XIAP: variants seen among roughly 807,000 people sequenced by gnomAD.
XIAP encodes X-linked inhibitor of apoptosis.
XIAP carries 3 observed loss-of-function variants against 33.1 expected under a neutral mutation model. The observed-to-expected ratio is 0.09, with a 90% CI of 0.04 to 0.23. The LOEUF is 0.23. Among genes scored for constraint, XIAP ranks in the 10% least tolerant of loss-of-function variants. The probability of loss-of-function intolerance (pLI) is 1.00; values close to 1 mark genes in which losing one functional copy is unlikely to be tolerated. For missense variants in XIAP, 264 were observed against 363.0 expected (o/e 0.73, Z 2.22); for synonymous variants, 98 against 121.3 (o/e 0.81, Z 1.26).
intron 1 of XIAP, among the ~76,000 whole-genome samples, chrX:123,867,661 C>T (rs980243761): frequency 3.0e-5 from 3 of 98,488 alleles, no homozygotes; most frequent in African/African-American, 7.7e-5. Flanking sequence ...TGTGAGCCCC[C>T]GTACCTGGCC....
intron 1 of XIAP, among the ~76,000 whole-genome samples, chrX:123,879,722 C>G (rs1259904345): frequency 8.9e-6 from 1 of 111,888 alleles, no homozygotes; most frequent in African/African-American, 3.2e-5. Context: ...TATTACTTTC[C>G]GAGTCTTGTC....
In XIAP at chrX:123,869,362, C is replaced by CAAAAAAAA. The variant is rs57436822; in HGVS notation, c.-33+9084_-33+9091dup. 3.6e-3 allele frequency among the ~76,000 whole-genome samples: 106 copies of CAAAAAAAA among 29,720 alleles called. 5 individuals are homozygous for CAAAAAAAA. The highest frequency in any genetic ancestry group is 5.2e-3 in the Non-Finnish European group (92 of 17,842). 25.8% of individuals were successfully genotyped at this position (29,720 alleles called of 115,157 possible). A position where few individuals can be genotyped will look rare whatever the true frequency, so the allele number is the denominator to read the frequency against. On this transcript the variant is annotated intron_variant, in intron 1 of 6. Transcript: ENST00000371199. ...AAACCCCATCTCTACTAAAAAAATACAAAAAAAAAAAAAAAAAAAAAAGCT... is the reference window on the plus strand; with the variant it reads ...AAACCCCATCTCTACTAAAAAAATACAAAAAAAAAAAAAAAAAAAAAAAAAAAAAAGCT...
At chrX:123,866,335 A>G (rs1414070333) in intron 1 of XIAP, among the ~76,000 whole-genome samples, 5 of 105,126 alleles carry the variant, frequency 4.8e-5, no homozygotes, top group African/African-American at 1.4e-4. Context: ...GGCCTCCCAA[A>G]GTGCCAGGAT....
Position 123,907,824 on chromosome X carries a change from T to C in XIAP, c.*643T>C, listed in dbSNP as rs2053566329. 2.6e-6 allele frequency: 1 copy of C among 378,986 alleles called. No homozygotes were observed. The highest frequency in any genetic ancestry group is 5.0e-6 in the Non-Finnish European group (1 of 201,521). The allele number at this position is 378,986 out of a possible 1,213,427, so 31.2% of individuals were successfully genotyped here. A position where few individuals can be genotyped will look rare whatever the true frequency, so the allele number is the denominator to read the frequency against. Reference sequence around the variant, plus strand: ...ACATGGAAAGATGTCAAAGATATGTTAAGTGTAAAATGCAAGTGGCAAAAC... The same window carrying C: ...ACATGGAAAGATGTCAAAGATATGTCAAGTGTAAAATGCAAGTGGCAAAAC... On this transcript the variant is annotated 3_prime_UTR_variant, in exon 7 of 7. Coordinates refer to ENST00000371199, the MANE Select transcript of XIAP (RefSeq NM_001167.4).
chrX:123,866,591 G>A (rs2053140341), intron 1 of XIAP, among the ~76,000 whole-genome samples: 1 of 99,035 alleles, frequency 1.0e-5, no homozygotes, highest in Admixed American at 1.2e-4. Flanking sequence ...TATATTACAT[G>A]TATAATATAT....
chrX:123,902,365 A>G (rs2053521555), intron 6 of XIAP, among the ~76,000 whole-genome samples: 1 of 111,655 alleles, frequency 9.0e-6, no homozygotes, highest in African/African-American at 3.3e-5. Flanking sequence ...GAGGCAAGTA[A>G]TTGATACAGG....
chrX:123,895,006 C>T (rs2053447369), intron 5 of XIAP, among the ~76,000 whole-genome samples: 1 of 110,298 alleles, frequency 9.1e-6, no homozygotes, highest in African/African-American at 3.3e-5. Context: ...AACATAAATT[C>T]AGCTCCATGA....
rs558847635 is a variant in XIAP at position 123,863,337 on chromosome X, G to A, written c.-33+3044G>A. Among the ~76,000 whole-genome samples the A allele has an allele frequency of 4.6e-3, 496 of 108,492 alleles. 3 individuals are homozygous for A. Among genetic ancestry groups the A allele is most frequent in the Non-Finnish European group, 7.2e-3 (378 of 52,213 alleles). The allele number at this position is 108,492 out of a possible 115,157, so 94.2% of individuals were successfully genotyped here. Reference sequence around the variant, plus strand: ...GTGGCGGTACACCCCTGTAGTCCCAGCTACTTGGGAGGCTGAGGCAGGAGA... The same window carrying A: ...GTGGCGGTACACCCCTGTAGTCCCAACTACTTGGGAGGCTGAGGCAGGAGA... On this transcript the variant is annotated intron_variant, in intron 1 of 6. Transcript: ENST00000371199.
At position 123,892,684 on chromosome X, in the gene XIAP, C is replaced by T. The variant is rs1252880350; in HGVS notation, c.1057-47C>T. 3.8e-6 allele frequency: 4 copies of T among 1,050,745 alleles called. No homozygotes were observed. In the African/African-American group the frequency reaches 5.5e-5, roughly 15 times the overall value. 86.6% of individuals were successfully genotyped at this position (1,050,745 alleles called of 1,213,427 possible). A position where few individuals can be genotyped will look rare whatever the true frequency, so the allele number is the denominator to read the frequency against. ...TTCACTTTTCAAATGGAAATGATTGCCTCTACCAAAAATAATTCTAACTTA... is the reference window on the plus strand; with the variant it reads ...TTCACTTTTCAAATGGAAATGATTGTCTCTACCAAAAATAATTCTAACTTA... On this transcript the variant is annotated intron_variant, in intron 4 of 6. Coordinates refer to ENST00000371199, the MANE Select transcript of XIAP (RefSeq NM_001167.4).
At chrX:123,887,601 A>C (rs1282010636) in intron 2 of XIAP, among the ~76,000 whole-genome samples, 1 of 112,423 alleles carries the variant, frequency 8.9e-6, no homozygotes, top group African/African-American at 3.2e-5. Context: ...GTAGAACTTT[A>C]ATGTTACTAA....
chrX:123,866,813 G>A (rs1465426442), intron 1 of XIAP, among the ~76,000 whole-genome samples: 2 of 105,718 alleles, frequency 1.9e-5, no homozygotes, highest in Non-Finnish European at 3.9e-5. Context: ...CAAGTAGCTG[G>A]GACTACAGGT....
intron 1 of XIAP, among the ~76,000 whole-genome samples, chrX:123,865,022 G>T (rs192351919): frequency 2.0e-5 from 2 of 101,753 alleles, no homozygotes; most frequent in African/African-American, 3.6e-5. Flanking sequence ...TTTTATGTTC[G>T]TCTGTTTTTA....
At chrX:123,867,714 C>T (rs2053156887) in intron 1 of XIAP, among the ~76,000 whole-genome samples, 1 of 83,903 alleles carries the variant, frequency 1.2e-5, no homozygotes, top group Admixed American at 1.6e-4. Flanking sequence ...GCTCATGTTG[C>T]CCAGGCTGGA....
intron 1 of XIAP, among the ~76,000 whole-genome samples, chrX:123,883,557 C>T (rs1256446368): frequency 1.3e-4 from 13 of 98,267 alleles, no homozygotes; most frequent in South Asian, 4.9e-4. Flanking sequence ...AGTGCAGTGG[C>T]GCGATCTCAG....
At chrX:123,865,454 G>A (rs1001465918) in intron 1 of XIAP, among the ~76,000 whole-genome samples, 1 of 110,699 alleles carries the variant, frequency 9.0e-6, no homozygotes, top group Non-Finnish European at 1.9e-5. Context: ...AAGGCCGGGC[G>A]TGGTGGCTCA....
At chrX:123,881,869 T>C (rs755156166) in intron 1 of XIAP, among the ~76,000 whole-genome samples, 3 of 109,831 alleles carry the variant, frequency 2.7e-5, no homozygotes, top group African/African-American at 9.9e-5. Flanking sequence ...TTCTCGTCCC[T>C]TGGCCTCCCA....
At chrX:123,860,322 T>C in intron 1 of XIAP, 29 bp downstream of exon 1, 1 of 326,832 alleles carries the variant, frequency 3.1e-6, no homozygotes, top group African/African-American at 2.6e-5. Flanking sequence ...GGCTTTCCCC[T>C]CCCCCGCTTT....
chrX:123,885,800 A>C lies in XIAP; in HGVS notation c.138A>C (p.Thr46=). The change falls in exon 2 of 7, where the codon ACA becomes ACC. Residue 46 remains threonine, a synonymous_variant. Coordinates refer to ENST00000371199, the MANE Select transcript of XIAP (RefSeq NM_001167.4). ...GTGGTAGTCCTGTTTCAGCATCAACACTGGCACGAGCAGGGTTTCTTTATA... is the reference window on the plus strand; with the variant it reads ...GTGGTAGTCCTGTTTCAGCATCAACCCTGGCACGAGCAGGGTTTCTTTATA... The part of the protein sequence containing the change: ...FPSGSPVSAS[T]LARAGFLYTG... 8.3e-7 allele frequency: 1 copy of C among 1,211,864 alleles called. No homozygotes were observed. Among genetic ancestry groups the C allele is most frequent in the Non-Finnish European group, 1.1e-6 (1 of 895,595 alleles).
intron 1 of XIAP, among the ~76,000 whole-genome samples, chrX:123,881,668 A>G (rs373022876): frequency 3.6e-5 from 4 of 111,811 alleles, no homozygotes; most frequent in African/African-American, 1.3e-4. Flanking sequence ...ATGTTGAATG[A>G]TGGTTTTATC....
Sources: allele counts gnomAD v4.1 joint callset (sites outside exome capture counted in the v4.1 genomes callset), GRCh38; gene constraint gnomAD v4.1.1; transcripts MANE v1.5; gene names NCBI Gene and HGNC (gene_info 2026-07-23, HGNC 2026-07-21).